Variants in SPPL2A observed in about 807,000 individuals in gnomAD.
SPPL2A encodes signal peptide peptidase like 2A, also known as signal peptide peptidase-like 2A.
Under a neutral mutation model 63.8 loss-of-function variants are expected in SPPL2A, and 51 were observed. The observed-to-expected ratio is 0.80, with a 90% confidence interval of 0.64 to 1.01. The LOEUF (loss-of-function observed/expected upper bound fraction) is 1.01. Ranked by LOEUF, SPPL2A falls within the 50% of genes least tolerant of loss-of-function variation. The pLI, the probability that SPPL2A is intolerant of heterozygous loss-of-function variation, is 0.00. For missense variants in SPPL2A, 553 were observed against 622.7 expected (o/e 0.89, Z 1.19); for synonymous variants, 188 against 205.8 (o/e 0.91, Z 0.74).
chr15:50,719,232 T>A (rs1427668462), intron 14 of SPPL2A, among the ~76,000 whole-genome samples: 1 of 152,128 alleles, frequency 6.6e-6, no homozygotes, highest in Non-Finnish European at 1.5e-5. Flanking sequence ...GTTAGGCCCA[T>A]TTAGATGCTG....
chr15:50,709,024 G>A (rs538587476), intron 14 of SPPL2A, among the ~76,000 whole-genome samples: 66 of 150,954 alleles, frequency 4.4e-4, no homozygotes, highest in Admixed American at 1.1e-3. Flanking sequence ...GTGACAGAGC[G>A]AGACTCCGAC....
rs2062520406 is a variant in SPPL2A at position 50,707,583 on chromosome 15, G to C, written c.*217C>G. On this transcript the variant is annotated 3_prime_UTR_variant, in exon 15 of 15. Transcript: ENST00000261854. ...TATAGTACATCTCGGAAACTACACAGACCATATGTTTTATTTAATGTGAAG... is the reference window on the plus strand; with the variant it reads ...TATAGTACATCTCGGAAACTACACACACCATATGTTTTATTTAATGTGAAG... 5.8e-6 allele frequency: 3 copies of C among 520,220 alleles called. No homozygotes were observed. The Admixed American group carries it at 1.0e-4, about 18-fold the overall frequency. 32.2% of individuals were successfully genotyped at this position (520,220 alleles called of 1,614,324 possible).
intron 12 of SPPL2A, among the ~76,000 whole-genome samples, chr15:50,723,623 G>C (rs974911946): frequency 2.0e-5 from 3 of 152,074 alleles, no homozygotes; most frequent in African/African-American, 7.2e-5. Context: ...TTATGGGCGT[G>C]TGCTAACACA....
At chr15:50,741,753 G>T (rs1484370089) in intron 5 of SPPL2A, among the ~76,000 whole-genome samples, 1 of 152,106 alleles carries the variant, frequency 6.6e-6, no homozygotes, top group Non-Finnish European at 1.5e-5. Flanking sequence ...GATCACTTGA[G>T]GTCAGGAGTT....
At chr15:50,729,503 C>A (rs1203423057) in intron 10 of SPPL2A, among the ~76,000 whole-genome samples, 2 of 151,936 alleles carry the variant, frequency 1.3e-5, no homozygotes. Context: ...CCCTGTAGTA[C>A]CAGCTATTTG....
At chr15:50,732,729 T>C (rs1567157672) in intron 8 of SPPL2A, 45 bp from the exon 9 acceptor site, 1 of 1,179,976 alleles carries the variant, frequency 8.5e-7, no homozygotes. Flanking sequence ...AATGTTTAGA[T>C]GAAGCCTTTC....
intron 14 of SPPL2A, among the ~76,000 whole-genome samples, chr15:50,713,161 T>C: frequency 6.6e-6 from 1 of 152,082 alleles, no homozygotes; most frequent in East Asian, 1.9e-4. Flanking sequence ...ATGTTGGACA[T>C]AAACAATGAG....
intron 14 of SPPL2A, among the ~76,000 whole-genome samples, chr15:50,718,087 T>C (rs920868107): frequency 6.8e-6 from 1 of 147,094 alleles, no homozygotes; most frequent in Non-Finnish European, 1.5e-5. Context: ...TTCTCCTGCC[T>C]CAGCCTCCCG....
intron 5 of SPPL2A, among the ~76,000 whole-genome samples, chr15:50,740,771 C>T (rs903833643): frequency 3.3e-5 from 5 of 151,936 alleles, no homozygotes; most frequent in Admixed American, 6.6e-5. Context: ...CGGTTAGGCC[C>T]GGCTAATTTT....
chr15:50,756,139 T>A (rs1812099544), intron 1 of SPPL2A, among the ~76,000 whole-genome samples: 1 of 151,484 alleles, frequency 6.6e-6, no homozygotes, highest in Admixed American at 6.6e-5. Context: ...GGTGGGCAGA[T>A]CACGAGGTCA....
intron 12 of SPPL2A, among the ~76,000 whole-genome samples, chr15:50,723,163 C>A (rs970496270): frequency 6.6e-6 from 1 of 152,058 alleles, no homozygotes; most frequent in Non-Finnish European, 1.5e-5. Flanking sequence ...GAAAAGTAAG[C>A]CTTAGAGACG....
chr15:50,739,865 C>T (rs2062805085), intron 5 of SPPL2A, 37 bp from the exon 6 acceptor site: 2 of 1,506,602 alleles, frequency 1.3e-6, no homozygotes, highest in Non-Finnish European at 1.8e-6. Context: ...AAATCTTAGC[C>T]AAGTACAGTT....
chr15:50,749,155 T>TC (rs958155200), intron 2 of SPPL2A, among the ~76,000 whole-genome samples: 1 of 152,192 alleles, frequency 6.6e-6, no homozygotes, highest in African/African-American at 2.4e-5. Flanking sequence ...TTTTCTTTTT[T>TC]CTTTTTAAAT....
chr15:50,724,567 G>C (rs1393987121), intron 12 of SPPL2A, among the ~76,000 whole-genome samples: 1 of 145,020 alleles, frequency 6.9e-6, no homozygotes, highest in East Asian at 2.1e-4. Context: ...AACAGAGCAA[G>C]ACTCCATCTC....
In SPPL2A at chr15:50,707,018, G is replaced by A. The variant is rs903644526; in HGVS notation, c.*782C>T. 5 of 152,208 alleles carry A rather than the reference G, an allele frequency of 3.3e-5. No homozygotes were observed. The highest frequency in any genetic ancestry group is 1.2e-4 in the African/African-American group (5 of 41,512). The allele number at this position is 152,208 out of a possible 1,614,324, so 9.4% of individuals were successfully genotyped here. A position where few individuals can be genotyped will look rare whatever the true frequency, so the allele number is the denominator to read the frequency against. ...TATGCACTTATATTTCCAAAATTAT[G>A]TATTTCTAACCTCTGCAGTGATATA... On this transcript the variant is annotated 3_prime_UTR_variant, in exon 15 of 15. Coordinates refer to ENST00000261854, the MANE Select transcript of SPPL2A (RefSeq NM_032802.4).
chr15:50,750,822 G>A (rs2062899935), intron 1 of SPPL2A, among the ~76,000 whole-genome samples: 1 of 152,176 alleles, frequency 6.6e-6, no homozygotes, highest in African/African-American at 2.4e-5. Context: ...CGTCCTCTGA[G>A]CAAATCTTTT....
chr15:50,710,360 T>C (rs933434704), intron 14 of SPPL2A, among the ~76,000 whole-genome samples: 4 of 152,148 alleles, frequency 2.6e-5, no homozygotes, highest in Admixed American at 1.3e-4. Flanking sequence ...ATCTAATCCC[T>C]GAACATAGAA....
intron 10 of SPPL2A, among the ~76,000 whole-genome samples, chr15:50,726,999 T>C (rs2062692754): frequency 6.6e-6 from 1 of 152,150 alleles, no homozygotes; most frequent in South Asian, 2.1e-4. Context: ...ACATTAACCT[T>C]AGCTAAATTT....
intron 8 of SPPL2A, 49 bp from the exon 9 acceptor site, chr15:50,732,733 G>C: frequency 8.8e-7 from 1 of 1,142,480 alleles, no homozygotes; most frequent in Non-Finnish European, 1.3e-6. Flanking sequence ...TTTAGATGAA[G>C]CCTTTCAAAA....
Sources: allele counts gnomAD v4.1 joint callset (sites outside exome capture counted in the v4.1 genomes callset), GRCh38; gene constraint gnomAD v4.1.1; transcripts MANE v1.5; gene names NCBI Gene and HGNC (gene_info 2026-07-23, HGNC 2026-07-21).